The following ELMO1 variants were observed in gnomAD, a reference collection of about 807,000 sequenced individuals.
The protein encoded by ELMO1 is engulfment and cell motility 1.
In ELMO1, 26 loss-of-function variants were observed where a neutral mutation model predicts 98.9. The observed-to-expected ratio is 0.26, with a 90% CI of 0.19 to 0.36. The LOEUF (loss-of-function observed/expected upper bound fraction) is 0.36, where lower values mean the gene tolerates loss of function less well. Ranked by LOEUF, ELMO1 falls within the 10% of genes least tolerant of loss-of-function variation. The pLI is 1.00. For synonymous variants in ELMO1, 346 were observed against 346.0 expected (o/e 1.00, Z 0.00); for missense variants, 627 against 935.2 (o/e 0.67, Z 4.30).
intron 16 of ELMO1, among the ~76,000 whole-genome samples, chr7:36,898,981 G>A (rs1364230982): frequency 6.6e-6 from 1 of 152,176 alleles, no homozygotes; most frequent in Non-Finnish European, 1.5e-5. Flanking sequence ...GGCTTTAGCT[G>A]GGGCTGGTGG....
At chr7:37,126,777 G>C (rs777042769) in intron 14 of ELMO1, among the ~76,000 whole-genome samples, 29 of 152,166 alleles carry the variant, frequency 1.9e-4, no homozygotes, top group Non-Finnish European at 3.7e-4. Flanking sequence ...GCTCCACGCA[G>C]GCACGTGGTA....
intron 2 of ELMO1, among the ~76,000 whole-genome samples, chr7:37,327,382 T>C (rs1439537760): frequency 6.6e-6 from 1 of 152,224 alleles, no homozygotes; most frequent in Non-Finnish European, 1.5e-5. Flanking sequence ...CAGAAATGAC[T>C]GTCAGCTCCA....
chr7:37,347,632 A>G (rs1309802309), intron 1 of ELMO1, among the ~76,000 whole-genome samples: 1 of 152,158 alleles, frequency 6.6e-6, no homozygotes, highest in African/African-American at 2.4e-5. Flanking sequence ...GCCATGTAAG[A>G]GCCTTCTGCC....
chr7:37,380,272 G>T (rs1583656322), intron 1 of ELMO1, among the ~76,000 whole-genome samples: 1 of 152,130 alleles, frequency 6.6e-6, no homozygotes, highest in Non-Finnish European at 1.5e-5. Flanking sequence ...ATGATAATTT[G>T]TATGCTTATT....
intron 1 of ELMO1, among the ~76,000 whole-genome samples, chr7:37,427,007 G>A (rs756641228): frequency 1.5e-4 from 23 of 150,778 alleles, no homozygotes; most frequent in African/African-American, 5.4e-4. Context: ...AAGATTCTAC[G>A]TCTTTTTTCC....
chr7:37,352,938 C>A (rs796467065), intron 1 of ELMO1: 2 of 152,236 alleles, frequency 1.3e-5, no homozygotes. Flanking sequence ...CCAGGTACCA[C>A]CGGTGCATCC....
At chr7:36,960,559 A>AAC (rs1384128033) in intron 16 of ELMO1, among the ~76,000 whole-genome samples, 4 of 152,016 alleles carry the variant, frequency 2.6e-5, no homozygotes, top group African/African-American at 9.7e-5. Flanking sequence ...TCCTTGGAGA[A>AAC]ACAACCTTCA....
chr7:36,855,791 A>C lies in ELMO1; in HGVS notation c.1984-40T>G, dbSNP rs753763165. The C allele has an allele frequency of 6.2e-7, 1 of 1,610,304 alleles. No homozygotes were observed. Among genetic ancestry groups the C allele is most frequent in the East Asian group, 2.2e-5 (1 of 44,840 alleles). ...GGCAACAGCGATCATTACTGGTGGC[A>C]ATTACAGAAGTATTAATAGTAAAAA... On this transcript the variant is annotated intron_variant, in intron 21 of 21. Transcript: ENST00000310758. The surrounding 1 kb of genome is among the most constrained non-coding windows in gnomAD (Gnocchi z 4.2).
chr7:37,092,819 A>T (rs571851737), intron 15 of ELMO1, among the ~76,000 whole-genome samples: 1 of 152,282 alleles, frequency 6.6e-6, no homozygotes, highest in East Asian at 1.9e-4. Flanking sequence ...CAAGGCATAC[A>T]GCCAGTGACT....
chr7:36,951,355 C>T (rs1010957943), intron 16 of ELMO1, among the ~76,000 whole-genome samples: 5 of 152,246 alleles, frequency 3.3e-5, no homozygotes, highest in Non-Finnish European at 7.3e-5. Context: ...CACTTGGCTC[C>T]GGCCAAAATG....
At chr7:37,346,714 C>A (rs1801027424) in intron 1 of ELMO1, among the ~76,000 whole-genome samples, 1 of 152,202 alleles carries the variant, frequency 6.6e-6, no homozygotes, top group African/African-American at 2.4e-5. Context: ...AAAGCATACA[C>A]AATCGTGGGG....
chr7:37,067,499 C>T (rs528346930), intron 15 of ELMO1, among the ~76,000 whole-genome samples: 4 of 152,292 alleles, frequency 2.6e-5, no homozygotes, highest in African/African-American at 9.6e-5. Flanking sequence ...TCTTCCCATA[C>T]TTCCTTTTCT....
At chr7:37,336,053 C>A (rs1800388167) in intron 2 of ELMO1, among the ~76,000 whole-genome samples, 1 of 151,880 alleles carries the variant, frequency 6.6e-6, no homozygotes, top group Non-Finnish European at 1.5e-5. Flanking sequence ...ATGGCAAAAC[C>A]CCATCACTAC....
In ELMO1 at chr7:37,292,107, CTGACTGGTT is replaced by C. The variant is rs907188643; in HGVS notation, c.193-20234_193-20226del. Among the ~76,000 whole-genome samples the C allele has an allele frequency of 1.0e-4, 13 of 125,770 alleles. 3 individuals are homozygous for C. The highest frequency in any genetic ancestry group is 9.2e-4 in the Admixed American group (12 of 12,976). The allele number at this position is 125,770 out of a possible 152,430, so 82.5% of individuals were successfully genotyped here. A position where few individuals can be genotyped will look rare whatever the true frequency, so the allele number is the denominator to read the frequency against. Reference sequence around the variant, plus strand: ...CGATTGCAGGCGCGCACCGCCACGCCTGACTGGTTTTCGTATTTTTTTGGTGGAGATGGG... The same window carrying C: ...CGATTGCAGGCGCGCACCGCCACGCCTTCGTATTTTTTTGGTGGAGATGGG... On this transcript the variant is annotated intron_variant, in intron 4 of 21. Coordinates refer to ENST00000310758, the MANE Select transcript of ELMO1 (RefSeq NM_014800.11).
intron 14 of ELMO1, among the ~76,000 whole-genome samples, chr7:37,122,456 T>G (rs1390321421): frequency 6.6e-6 from 1 of 151,162 alleles, no homozygotes; most frequent in Non-Finnish European, 1.5e-5. Context: ...ACCAAGCAAA[T>G]GGAAAACAAA....
intron 16 of ELMO1, among the ~76,000 whole-genome samples, chr7:36,946,116 C>T (rs1405243639): frequency 6.6e-6 from 1 of 152,254 alleles, no homozygotes; most frequent in African/African-American, 2.4e-5. Flanking sequence ...CTGCACCAAG[C>T]ACCCTGGGAA....
At chr7:37,350,899 G>A (rs904962044) in intron 1 of ELMO1, among the ~76,000 whole-genome samples, 6 of 152,166 alleles carry the variant, frequency 3.9e-5, no homozygotes, top group African/African-American at 1.2e-4. Flanking sequence ...TGTAAGCCAA[G>A]GAGAAAGCCC....
intron 16 of ELMO1, among the ~76,000 whole-genome samples, chr7:36,963,925 C>T (rs1584444663): frequency 6.6e-6 from 1 of 152,164 alleles, no homozygotes; most frequent in Admixed American, 6.5e-5. Flanking sequence ...CAGAGTCATG[C>T]TTTAATGTGA....
intron 20 of ELMO1, among the ~76,000 whole-genome samples, chr7:36,864,596 G>C (rs768331310): frequency 6.6e-6 from 1 of 152,190 alleles, no homozygotes; most frequent in Non-Finnish European, 1.5e-5. Context: ...AGGCTGCAGA[G>C]CCAGGAGCAA....
Sources: allele counts gnomAD v4.1 joint callset (sites outside exome capture counted in the v4.1 genomes callset), GRCh38; gene constraint gnomAD v4.1.1; non-coding constraint Gnocchi (gnomAD v3.1); transcripts MANE v1.5; gene names NCBI Gene and HGNC (gene_info 2026-07-23, HGNC 2026-07-21).